ARSK: variants seen among roughly 807,000 people sequenced by gnomAD.
The protein encoded by ARSK is arylsulfatase family member K, also known as arylsulfatase K.
Under a neutral mutation model 53.2 loss-of-function variants are expected in ARSK, and 37 were observed. The observed-to-expected ratio is 0.70, with a 90% confidence interval of 0.54 to 0.92. ARSK has a LOEUF of 0.92. Among genes scored for constraint, ARSK ranks in the 40% least tolerant of loss-of-function variants. The probability of loss-of-function intolerance (pLI) is 0.00; values close to 1 mark genes in which losing one functional copy is unlikely to be tolerated. For synonymous variants in ARSK, 208 were observed against 223.2 expected, an observed-to-expected ratio of 0.93 and a Z score of 0.61; for missense variants, 613 against 643.0, an observed-to-expected ratio of 0.95 and a Z score of 0.51.
At chr5:95,602,759 T>C (rs1002577692) in intron 7 of ARSK, among the ~76,000 whole-genome samples, 2 of 152,172 alleles carry the variant, frequency 1.3e-5, no homozygotes, top group African/African-American at 2.4e-5. Context: ...AATGTAACTT[T>C]CAAAACTCCA....
chr5:95,566,239 T>A (rs556728484), intron 2 of ARSK, 112 bp downstream of exon 2: 10 of 1,336,242 alleles, frequency 7.5e-6, no homozygotes, highest in Non-Finnish European at 1.0e-5. Context: ...CTCAATAAAA[T>A]TGTTTTAATA....
intron 1 of ARSK, among the ~76,000 whole-genome samples, chr5:95,559,284 G>A (rs186190652): frequency 7.4e-4 from 112 of 152,284 alleles, no homozygotes; most frequent in Middle Eastern, 3.4e-3. Context: ...CATATTCACA[G>A]GTTCTGAATC....
intron 2 of ARSK, among the ~76,000 whole-genome samples, chr5:95,566,905 C>T (rs1748734725): frequency 6.6e-6 from 1 of 152,114 alleles, no homozygotes; most frequent in African/African-American, 2.4e-5. Flanking sequence ...TCAACACTAA[C>T]AACTATATTA....
intron 3 of ARSK, among the ~76,000 whole-genome samples, chr5:95,580,503 TATTGTA>T (rs1429878205): frequency 1.2e-4 from 19 of 152,330 alleles, no homozygotes; most frequent in African/African-American, 3.4e-4. Context: ...GTTATCTTAT[TATTGTA>T]ATTGTAATAG....
chr5:95,574,425 G>A (rs1053973278), intron 3 of ARSK, among the ~76,000 whole-genome samples: 1 of 152,116 alleles, frequency 6.6e-6, no homozygotes, highest in Non-Finnish European at 1.5e-5. Context: ...CCTCCAAATG[G>A]TTCCTCATGG....
At chr5:95,561,999 G>C (rs532801390) in intron 1 of ARSK, among the ~76,000 whole-genome samples, 74 of 152,308 alleles carry the variant, frequency 4.9e-4, no homozygotes, top group African/African-American at 1.8e-3. Context: ...CAGATCACCT[G>C]AGGTCAGAAG....
chr5:95,588,630 G>A lies in ARSK; in HGVS notation c.871+1897G>A, dbSNP rs182160622. 3.8e-3 allele frequency among the ~76,000 whole-genome samples: 579 copies of A among 152,176 alleles called. 4 individuals are homozygous for A. Among genetic ancestry groups the A allele is most frequent in the South Asian group, 6.4e-3 (31 of 4,812 alleles). On this transcript the variant is annotated intron_variant, in intron 5 of 7. Transcript: ENST00000380009. ...CTACTAGCTGTAAGGCACTATGTTG[G>A]GCACTGGGGGAGTATAGTATGTTGA...
chr5:95,588,513 C>T lies in ARSK; in HGVS notation c.871+1780C>T, dbSNP rs531220875. ...CTGGGATTACAGGCATGAGCCACCG[C>T]GACTGGCCTGTAAATTTTTAAATCT... On this transcript the variant is annotated intron_variant, in intron 5 of 7. Transcript: ENST00000380009. Among the ~76,000 whole-genome samples, 6 of 150,202 alleles carry T rather than the reference C, an allele frequency of 4.0e-5. No homozygotes were observed. In the South Asian group the frequency reaches 1.3e-3, roughly 32 times the overall value.
chr5:95,561,942 C>T (rs1748642968), intron 1 of ARSK, among the ~76,000 whole-genome samples: 2 of 152,158 alleles, frequency 1.3e-5, no homozygotes, highest in Admixed American at 6.5e-5. Flanking sequence ...AGGCTAGGCA[C>T]GGTGGTTCAC....
intron 6 of ARSK, among the ~76,000 whole-genome samples, chr5:95,597,524 C>T (rs1219144967): frequency 6.6e-6 from 1 of 152,128 alleles, no homozygotes; most frequent in Non-Finnish European, 1.5e-5. Flanking sequence ...AGTTCAAACC[C>T]CTCTTTACTC....
intron 3 of ARSK, among the ~76,000 whole-genome samples, chr5:95,570,666 C>A (rs192840549): frequency 6.6e-6 from 1 of 151,966 alleles, no homozygotes; most frequent in East Asian, 1.9e-4. Flanking sequence ...AAGGATTAAG[C>A]GGAATAATAT....
intron 5 of ARSK, among the ~76,000 whole-genome samples, chr5:95,590,780 G>T (rs1029878317): frequency 1.3e-5 from 2 of 152,142 alleles, no homozygotes; most frequent in African/African-American, 2.4e-5. Flanking sequence ...GACAGGAACT[G>T]GTCAGAGGAA....
intron 3 of ARSK, among the ~76,000 whole-genome samples, chr5:95,576,181 G>A (rs1489184624): frequency 6.7e-6 from 1 of 149,604 alleles, no homozygotes; most frequent in East Asian, 2.0e-4. Flanking sequence ...TTGATATGAT[G>A]TCTCACGTAA....
intron 1 of ARSK, among the ~76,000 whole-genome samples, chr5:95,561,506 T>C (rs1364495960): frequency 6.6e-6 from 1 of 152,216 alleles, no homozygotes; most frequent in African/African-American, 2.4e-5. Context: ...CCAAACAGTA[T>C]AAACAACCCA....
chr5:95,556,240 G>T, intron 1 of ARSK: 1 of 702,112 alleles, frequency 1.4e-6, no homozygotes, highest in South Asian at 1.5e-5. Flanking sequence ...TAGTCTGGAT[G>T]TGCCCATGGG....
intron 4 of ARSK, 75 bp from the exon 5 acceptor site, chr5:95,586,487 C>T: frequency 8.7e-7 from 1 of 1,150,460 alleles, no homozygotes; most frequent in Non-Finnish European, 1.3e-6. Flanking sequence ...TTGTTGATTT[C>T]ATCATACATA....
At chr5:95,587,179 G>A (rs73777196) in intron 5 of ARSK, among the ~76,000 whole-genome samples, 23,641 of 152,052 alleles carry the variant, frequency 0.16, 2,543 homozygotes, top group African/African-American at 0.3. Flanking sequence ...TTTAGAGCAT[G>A]GCTTAACTAA....
chr5:95,575,324 G>A (rs940121924), intron 3 of ARSK, among the ~76,000 whole-genome samples: 4 of 151,808 alleles, frequency 2.6e-5, no homozygotes, highest in African/African-American at 9.7e-5. Flanking sequence ...CTTGGACTAC[G>A]CTGGGTTGTT....
chr5:95,583,059 T>A lies in ARSK; in HGVS notation c.560T>A (p.Leu187Ter), dbSNP rs762342379. 1 of 1,613,792 alleles carries A rather than the reference T, an allele frequency of 6.2e-7. No homozygotes were observed. ...WQNTDKAVNW[L>*]RKEAINYTEP... ...AATACAGACAAAGCAGTAAACTGGT[T>A]AAGAAAGGAAGCAATTAATTACACT... Residue 187 changes from leucine to a stop codon, truncating the protein, a stop_gained, in exon 4 of 8, where the codon TTA becomes TAA. Transcript: ENST00000380009. LOFTEE classifies it high-confidence loss of function.
Sources: allele counts gnomAD v4.1 joint callset (sites outside exome capture counted in the v4.1 genomes callset), GRCh38; gene constraint gnomAD v4.1.1; transcripts MANE v1.5; gene names NCBI Gene and HGNC (gene_info 2026-07-23, HGNC 2026-07-21).